Variants in MACF1 observed in about 807,000 individuals in gnomAD.
MACF1 encodes the protein microtubule-actin cross-linking factor 1.
MACF1 carries 193 observed loss-of-function variants against 854.8 expected under a neutral mutation model. That is an observed-to-expected ratio of 0.23 (90% CI 0.20 to 0.25). MACF1 has a LOEUF of 0.25. MACF1 is among the 10% of genes least tolerant of loss of function. The pLI is 1.00. For missense variants in MACF1, 7,722 were observed against 8,929.1 expected (o/e 0.86, Z 5.45); for synonymous variants, 3,185 against 3,226.7 (o/e 0.99, Z 0.44).
chr1:39,420,058 C>T (rs1369627455), intron 58 of MACF1, among the ~76,000 whole-genome samples: 1 of 152,168 alleles, frequency 6.6e-6, no homozygotes, highest in Non-Finnish European at 1.5e-5. Flanking sequence ...GTAGAGTAAC[C>T]ACTGGCCATA....
rs779318837 is a variant in MACF1 at position 39,335,505 on chromosome 1, A to G, written c.8917A>G (p.Ser2973Gly). Residue 2973 changes from serine to glycine, a missense_variant, in exon 37 of 101, where the codon AGT becomes GGT. By Grantham distance (56) the Ser-to-Gly change is moderately conservative (BLOSUM62 0). This residue lies in a region of MACF1 where 854 missense variants were observed against 852.6 expected (regional missense o/e 1.00). Transcript: ENST00000564288. ...GCAACCAATGAATGCTCGGGTGAAA[A>G]GTAAGAGAGAGAAGAGGGAGGTGAT... The part of the protein sequence containing the change: ...LQQPMNARVK[S>G]KREKREVIVE... 5.6e-6 allele frequency: 9 copies of G among 1,614,148 alleles called. No homozygotes were observed. In the East Asian group the frequency reaches 2.0e-4, roughly 36 times the overall value.
intron 86 of MACF1, 161 bp from the exon 87 acceptor site, chr1:39,452,523 A>T (rs946872357): frequency 4.2e-5 from 48 of 1,151,074 alleles, no homozygotes; most frequent in Non-Finnish European, 3.5e-5. Flanking sequence ...TAATGAATTC[A>T]GTTGATTTTC....
intron 43 of MACF1, 45 bp downstream of exon 43, chr1:39,351,063 T>A: frequency 7.0e-7 from 1 of 1,437,882 alleles, no homozygotes; most frequent in Non-Finnish European, 9.5e-7. Flanking sequence ...AAAAGAAAAT[T>A]TTGGTACCAA....
Position 39,340,541 on chromosome 1 carries a change from A to C in MACF1, c.10255A>C (p.Ser3419Arg). The C allele has an allele frequency of 6.2e-7, 1 of 1,614,086 alleles. No individual in the cohort carries two copies. The highest frequency in any genetic ancestry group is 1.3e-5 in the African/African-American group (1 of 75,048). ...GTTAAAGGATCTGACCACCTTGGTC[A>C]GTCAGGAGCTGGAGTGTGTGAATCA... ...RELKDLTTLV[S>R]QELECVNQII... The change falls in exon 39 of 101, where the codon AGT becomes CGT. Residue 3419 changes from serine (S) to arginine (R), a missense_variant. Ser to Arg is a moderately radical substitution (Grantham distance 110, BLOSUM62 -1). Transcript: ENST00000564288.
intron 2 of MACF1, among the ~76,000 whole-genome samples, chr1:39,108,049 A>T (rs1247834314): frequency 2.6e-4 from 36 of 140,376 alleles, no homozygotes; most frequent in Non-Finnish European, 4.2e-4. Context: ...CTTGGCAACC[A>T]TTTTTTTTTT....
chr1:39,189,362 T>G (rs1225132923), intron 2 of MACF1, among the ~76,000 whole-genome samples: 1 of 152,256 alleles, frequency 6.6e-6, no homozygotes, highest in African/African-American at 2.4e-5. Flanking sequence ...ATTCTTATTT[T>G]CTGTGGGTTT....
intron 2 of MACF1, chr1:39,120,826 T>C (rs924546054): frequency 6.6e-6 from 1 of 152,210 alleles, no homozygotes; most frequent in African/African-American, 2.4e-5. Flanking sequence ...TATCTTTGTG[T>C]TGCAAACAAT....
chr1:39,327,410 G>T, intron 36 of MACF1, 57 bp downstream of exon 36: 1 of 1,509,466 alleles, frequency 6.6e-7, no homozygotes, highest in Non-Finnish European at 9.0e-7. Flanking sequence ...TGGTATGAAG[G>T]CAGCTTTGCT....
intron 1 of MACF1, among the ~76,000 whole-genome samples, chr1:39,226,751 T>C (rs962491965): frequency 1.3e-5 from 2 of 152,210 alleles, no homozygotes; most frequent in African/African-American, 4.8e-5. Flanking sequence ...AAATACTTAC[T>C]AGTTTAAAAG....
intron 1 of MACF1, among the ~76,000 whole-genome samples, chr1:39,217,860 G>A (rs1644596059): frequency 6.9e-6 from 1 of 144,586 alleles, no homozygotes; most frequent in South Asian, 2.2e-4. Flanking sequence ...TCCAGCCTGG[G>A]TGATAGAGCA....
intron 91 of MACF1, chr1:39,459,880 T>C (rs1644519494): frequency 7.7e-7 from 1 of 1,291,752 alleles, no homozygotes; most frequent in South Asian, 1.2e-5. Flanking sequence ...CAGTTGACTT[T>C]TAAGCTTATT....
In MACF1 at chr1:39,480,949, C is replaced by A. The variant is rs1250247893; in HGVS notation, c.22200C>A (p.Asp7400Glu). 1.9e-6 allele frequency: 3 copies of A among 1,550,656 alleles called. No individual in the cohort carries two copies. The highest frequency in any genetic ancestry group is 2.6e-6 in the Non-Finnish European group (3 of 1,146,822). The change falls in exon 99 of 101, where the codon GAC becomes GAA. Residue 7400 changes from aspartate (D) to glutamate (E), a missense_variant. By Grantham distance (45) the Asp-to-Glu change is conservative. Around this residue, in one of 15 missense-constraint regions of MACF1, gnomAD observed 185 missense variants for 225.7 expected, o/e 0.82. Transcript: ENST00000564288. The stretch of plus-strand genomic sequence containing the variant: ...CACTTCAGTTCTCTCGCTGTTATGA[C>A]AAACCCTGGTTGGTAAACAGTAAAG... ...KTSLQFSRCYDKPWLVNSKAG... is the reference protein window; with the variant it reads ...KTSLQFSRCYEKPWLVNSKAG...
chr1:39,228,756 C>G (rs1368888341), intron 1 of MACF1, among the ~76,000 whole-genome samples: 1 of 152,202 alleles, frequency 6.6e-6, no homozygotes, highest in Non-Finnish European at 1.5e-5. Flanking sequence ...TGGGTTCAAG[C>G]GATTCTCCTG....
intron 57 of MACF1, among the ~76,000 whole-genome samples, chr1:39,386,511 A>C (rs1641792294): frequency 6.6e-6 from 1 of 151,482 alleles, no homozygotes; most frequent in Non-Finnish European, 1.5e-5. Context: ...GGATCACTGC[A>C]ACCTCCGCCT....
At chr1:39,245,809 TTATC>T (rs1644975788) in intron 2 of MACF1, among the ~76,000 whole-genome samples, 1 of 152,190 alleles carries the variant, frequency 6.6e-6, no homozygotes, top group Non-Finnish European at 1.5e-5. Context: ...TGTTCAGATC[TTATC>T]TATCAAAAAT....
At position 39,105,403 on chromosome 1, in the gene MACF1, G is replaced by A; in HGVS notation, c.220+20965G>A. 1 of 987,192 alleles carries A rather than the reference G, an allele frequency of 1.0e-6. No homozygotes were observed. 61.2% of individuals were successfully genotyped at this position (987,192 alleles called of 1,614,324 possible). ...AGCCGAGGGGTGAGGACGCGGAAACGCGAGCCGGGACCGGCGGAGCGCGAG... is the reference window on the plus strand; with the variant it reads ...AGCCGAGGGGTGAGGACGCGGAAACACGAGCCGGGACCGGCGGAGCGCGAG... On this transcript the variant is annotated intron_variant, in intron 2 of 93. Coordinates refer to the MACF1 transcript ENST00000361689. The surrounding 1 kb of genome is among the most constrained non-coding windows in gnomAD (Gnocchi z 5.9).
intron 2 of MACF1, among the ~76,000 whole-genome samples, chr1:39,137,713 G>T (rs972218831): frequency 6.6e-6 from 1 of 152,158 alleles, no homozygotes; most frequent in African/African-American, 2.4e-5. Context: ...TGGCAAGCAA[G>T]TAAGGATTGC....
At chr1:39,194,249 T>G (rs1644289340) in intron 2 of MACF1, among the ~76,000 whole-genome samples, 1 of 152,108 alleles carries the variant, frequency 6.6e-6, no homozygotes, top group Non-Finnish European at 1.5e-5. Flanking sequence ...TTGCTGAGCT[T>G]GATAGGAAGG....
intron 95 of MACF1, 151 bp downstream of exon 95, chr1:39,465,263 C>T (rs1052674593): frequency 1.4e-5 from 11 of 763,792 alleles, no homozygotes; most frequent in African/African-American, 1.4e-4. Flanking sequence ...GTTGATGGGG[C>T]CAGCATTGCA....
Sources: gnomAD v4.1 joint callset for allele counts (sites outside exome capture counted in the v4.1 genomes callset) on GRCh38, gnomAD v4.1.1 for gene constraint, gnomAD v4.1.1 regional missense constraint, Gnocchi (gnomAD v3.1) non-coding constraint, MANE v1.5 for transcripts, NCBI Gene and HGNC (gene_info 2026-07-23, HGNC 2026-07-21) for gene names.